BMPR2: variants seen among roughly 807,000 people sequenced by gnomAD.
The protein encoded by BMPR2 is bone morphogenetic protein receptor type-2.
A neutral mutation model predicts 100.8 loss-of-function variants in BMPR2; 29 were observed. That is an observed-to-expected ratio of 0.29 (90% CI 0.21 to 0.39). BMPR2 has a LOEUF of 0.39. Among genes scored for constraint, BMPR2 ranks in the 10% least tolerant of loss-of-function variants. The probability of loss-of-function intolerance (pLI) is 1.00; values close to 1 mark genes in which losing one functional copy is unlikely to be tolerated. For missense variants in BMPR2, 1,011 were observed against 1,274.5 expected (o/e 0.79, Z 3.15); for synonymous variants, 382 against 442.3 (o/e 0.86, Z 1.71).
At chr2:202,388,396 CAAAAAAAAAAAAAAA>C (rs71406975) in intron 1 of BMPR2, among the ~76,000 whole-genome samples, 1 of 36,984 alleles carries the variant, frequency 2.7e-5, no homozygotes, top group Non-Finnish European at 4.5e-5. Context: ...GACTCCATCT[CAAAAAAAAAAAAAAA>C]AAAAAAAAAC....
chr2:202,520,150 C>T lies in BMPR2; in HGVS notation c.916C>T (p.His306Tyr). The stretch of plus-strand genomic sequence containing the variant: ...CTGGGTAAGCTCTTGCCGTCTTGCT[C>T]ATTCTGTTACTAGAGGACTGGCTTA... ...SDWVSSCRLA[H>Y]SVTRGLAYLH... The change falls in exon 7 of 13, where the codon CAT (histidine) becomes TAT (tyrosine). Residue 306 changes from histidine (H) to tyrosine (Y), a missense_variant. This residue lies in a region of BMPR2 where 355 missense variants were observed against 455.3 expected (regional missense o/e 0.78). Coordinates refer to ENST00000374580, the MANE Select transcript of BMPR2 (RefSeq NM_001204.7). 6.2e-7 allele frequency: 1 copy of T among 1,613,426 alleles called. No individual in the cohort carries two copies. Among genetic ancestry groups the T allele is most frequent in the Non-Finnish European group, 8.5e-7 (1 of 1,179,900 alleles).
chr2:202,408,068 C>G (rs1439211879), intron 1 of BMPR2, among the ~76,000 whole-genome samples: 1 of 151,970 alleles, frequency 6.6e-6, no homozygotes, highest in Non-Finnish European at 1.5e-5. Context: ...CTCTTGACCT[C>G]GTGATCTGCC....
chr2:202,452,709 A>G (rs936310422), intron 1 of BMPR2, among the ~76,000 whole-genome samples: 4 of 152,244 alleles, frequency 2.6e-5, no homozygotes, highest in African/African-American at 9.6e-5. Context: ...ATACTTGTTG[A>G]ATGCCAAGTA....
At chr2:202,421,378 G>A (rs1691259099) in intron 1 of BMPR2, among the ~76,000 whole-genome samples, 1 of 149,392 alleles carries the variant, frequency 6.7e-6, no homozygotes, top group Admixed American at 6.7e-5. Context: ...TATCATCACA[G>A]AAGGCTTTCT....
Position 202,560,641 on chromosome 2 carries a change from G to C in BMPR2, c.*695G>C, listed in dbSNP as rs1290324373. 6.6e-6 allele frequency: 1 copy of C among 152,616 alleles called. No homozygotes were observed. Among genetic ancestry groups the C allele is most frequent in the Admixed American group, 6.5e-5 (1 of 15,270 alleles). The allele number at this position is 152,616 out of a possible 1,614,324, so 9.5% of individuals were successfully genotyped here. A position where few individuals can be genotyped will look rare whatever the true frequency, so the allele number is the denominator to read the frequency against. ...TCTTACTTTCTCTCTCCTTATCATG[G>C]AGAATACAGAAACATTGTCTGAAAG... is the stretch of plus-strand genomic sequence containing the variant. On this transcript the variant is annotated 3_prime_UTR_variant, in exon 13 of 13. Coordinates refer to ENST00000374580, the MANE Select transcript of BMPR2 (RefSeq NM_001204.7).
intron 1 of BMPR2, among the ~76,000 whole-genome samples, chr2:202,457,584 AGAGAGAGAGT>A (rs1315321290): frequency 2.0e-5 from 3 of 148,324 alleles, no homozygotes; most frequent in South Asian, 4.2e-4. Context: ...AGAGAGAGAG[AGAGAGAGAGT>A]ATTATAGATA....
Position 202,565,423 on chromosome 2 carries a change from C to G in BMPR2, c.*5477C>G, listed in dbSNP as rs926595236. Reference sequence around the variant, plus strand: ...TAATAGTTTGATAGTTTGATAGAATCGAGAGTTAAGATGTTTCTATTTGAA... The same window carrying G: ...TAATAGTTTGATAGTTTGATAGAATGGAGAGTTAAGATGTTTCTATTTGAA... On this transcript the variant is annotated 3_prime_UTR_variant, in exon 13 of 13. Transcript: ENST00000374580. 5 of 152,298 alleles carry G rather than the reference C, an allele frequency of 3.3e-5. No homozygotes were observed. The highest frequency in any genetic ancestry group is 5.9e-5 in the Non-Finnish European group (4 of 68,004). 9.4% of individuals were successfully genotyped at this position (152,298 alleles called of 1,614,324 possible). A position where few individuals can be genotyped will look rare whatever the true frequency, so the allele number is the denominator to read the frequency against.
chr2:202,467,187 C>T (rs1240167770), intron 2 of BMPR2: 4 of 333,270 alleles, frequency 1.2e-5, no homozygotes, highest in African/African-American at 4.3e-5. Context: ...CGCTTGAACC[C>T]GGGAGGTGGA....
intron 1 of BMPR2, among the ~76,000 whole-genome samples, chr2:202,447,928 G>A (rs1329537301): frequency 6.6e-6 from 1 of 150,468 alleles, no homozygotes; most frequent in East Asian, 1.9e-4. Flanking sequence ...AGTAGGTAAT[G>A]AGGATGGCCA....
intron 3 of BMPR2, among the ~76,000 whole-genome samples, chr2:202,493,152 G>A (rs1480977163): frequency 6.6e-6 from 1 of 152,132 alleles, no homozygotes; most frequent in Admixed American, 6.6e-5. Flanking sequence ...TGAATTTTCT[G>A]TATTGTGAAT....
At chr2:202,463,221 C>T (rs188876368) in intron 1 of BMPR2, among the ~76,000 whole-genome samples, 7 of 152,100 alleles carry the variant, frequency 4.6e-5, no homozygotes, top group East Asian at 1.9e-4. Context: ...AGGGCAACAT[C>T]GGAATAGACA....
In BMPR2 at chr2:202,564,537, T is replaced by A. The variant is rs950368801; in HGVS notation, c.*4591T>A. 2.6e-5 allele frequency: 4 copies of A among 152,236 alleles called. No individual in the cohort carries two copies. The highest frequency in any genetic ancestry group is 9.6e-5 in the African/African-American group (4 of 41,474). 9.4% of individuals were successfully genotyped at this position (152,236 alleles called of 1,614,324 possible). A position where few individuals can be genotyped will look rare whatever the true frequency, so the allele number is the denominator to read the frequency against. ...GCATATAAGGTTGCATTTTAACTTT[T>A]AGATTATGAACTGTGCAAACTTTAC... is the stretch of plus-strand genomic sequence containing the variant. On this transcript the variant is annotated 3_prime_UTR_variant, in exon 13 of 13. Coordinates refer to ENST00000374580, the MANE Select transcript of BMPR2 (RefSeq NM_001204.7).
At chr2:202,442,138 A>C (rs1043633871) in intron 1 of BMPR2, among the ~76,000 whole-genome samples, 5 of 150,668 alleles carry the variant, frequency 3.3e-5, no homozygotes, top group African/African-American at 1.3e-4. Flanking sequence ...AGAGGGAGTT[A>C]GTCTAAGTGA....
chr2:202,480,990 C>T (rs1318515026), intron 3 of BMPR2, among the ~76,000 whole-genome samples: 3 of 148,188 alleles, frequency 2.0e-5, no homozygotes, highest in Non-Finnish European at 3.0e-5. Context: ...ATCAATTGAC[C>T]GTAAGTGCAA....
intron 3 of BMPR2, among the ~76,000 whole-genome samples, chr2:202,489,177 AT>A (rs1488246553): frequency 1.3e-5 from 2 of 151,888 alleles, no homozygotes; most frequent in Admixed American, 1.3e-4. Context: ...AATTTTTTGT[AT>A]TTTAAGTAGA....
intron 1 of BMPR2, among the ~76,000 whole-genome samples, chr2:202,389,012 T>G (rs916204965): frequency 4.6e-5 from 7 of 152,052 alleles, no homozygotes; most frequent in Middle Eastern, 3.4e-3. Flanking sequence ...GGAGGATTGC[T>G]TGAGGCCTAG....
intron 5 of BMPR2, among the ~76,000 whole-genome samples, chr2:202,515,770 TC>T (rs1687700901): frequency 6.6e-6 from 1 of 151,946 alleles, no homozygotes; most frequent in Non-Finnish European, 1.5e-5. Flanking sequence ...CCGCCTGTAG[TC>T]CCAGCTGCTT....
chr2:202,518,745 A>G lies in BMPR2; in HGVS notation c.622-77A>G, dbSNP rs1687764372. Reference sequence around the variant, plus strand: ...CAGAGAGCTGTAGCATTCTGTTTAAATTTGTACTTTATTATTTAGTAAATT... The same window carrying G: ...CAGAGAGCTGTAGCATTCTGTTTAAGTTTGTACTTTATTATTTAGTAAATT... On this transcript the variant is annotated intron_variant, in intron 5 of 12. Transcript: ENST00000374580. The G allele has an allele frequency of 5.2e-6, 6 of 1,157,696 alleles. No homozygotes were observed. In the South Asian group the frequency reaches 7.7e-5, roughly 15 times the overall value. The allele number at this position is 1,157,696 out of a possible 1,614,324, so 71.7% of individuals were successfully genotyped here.
intron 1 of BMPR2, among the ~76,000 whole-genome samples, chr2:202,455,806 C>T (rs906795135): frequency 2.6e-5 from 4 of 151,866 alleles, no homozygotes; most frequent in Non-Finnish European, 4.4e-5. Flanking sequence ...TGGCTCACGC[C>T]TGTAATCCCA....
Sources: gnomAD v4.1 joint callset for allele counts (sites outside exome capture counted in the v4.1 genomes callset) on GRCh38, gnomAD v4.1.1 for gene constraint, gnomAD v4.1.1 regional missense constraint, MANE v1.5 for transcripts, NCBI Gene and HGNC (gene_info 2026-07-23, HGNC 2026-07-21) for gene names.